ENTREP2: variants seen among roughly 807,000 people sequenced by gnomAD.
The protein encoded by ENTREP2 is endosomal transmembrane epsin interactor 2.
chr15:29,134,572 A>G, the ENTREP2 span, among the ~76,000 whole-genome samples: 1 of 152,180 alleles, frequency 6.6e-6, no homozygotes, highest in Admixed American at 6.5e-5. Flanking sequence ...GGCACCTTAC[A>G]GCGTCTGAAT....
chr15:29,481,282 T>C, the ENTREP2 span, among the ~76,000 whole-genome samples: 3 of 152,142 alleles, frequency 2.0e-5, no homozygotes, highest in African/African-American at 7.2e-5. Context: ...AAAATGCAGA[T>C]CCTGCTACAA....
At chr15:29,123,676 T>C in the ENTREP2 span, 22,461 of 1,541,824 alleles carry the variant, frequency 0.015, 489 homozygotes, top group African/African-American at 0.097. Flanking sequence ...AGGGCAAAAG[T>C]GCAGTTCAAA....
the ENTREP2 span, among the ~76,000 whole-genome samples, chr15:29,420,155 G>A: frequency 6.6e-6 from 1 of 152,194 alleles, no homozygotes; most frequent in East Asian, 1.9e-4. Flanking sequence ...GAGTCTCAAT[G>A]GGCACCTCTG....
the ENTREP2 span, among the ~76,000 whole-genome samples, chr15:29,147,854 A>T: frequency 6.6e-6 from 1 of 152,250 alleles, no homozygotes; most frequent in South Asian, 2.1e-4. Context: ...GATGTTCATA[A>T]CAGCATTATT....
chr15:29,262,846 G>C, the ENTREP2 span, among the ~76,000 whole-genome samples: 1 of 152,172 alleles, frequency 6.6e-6, no homozygotes, highest in Non-Finnish European at 1.5e-5. Flanking sequence ...CCCTCATCCT[G>C]TGGGATCTGA....
At chr15:29,418,208 C>T in the ENTREP2 span, among the ~76,000 whole-genome samples, 1 of 152,168 alleles carries the variant, frequency 6.6e-6, no homozygotes, top group Non-Finnish European at 1.5e-5. Context: ...TCCAGCACCC[C>T]CTGCTTACCA....
chr15:29,386,392 G>T, the ENTREP2 span, among the ~76,000 whole-genome samples: 1 of 152,178 alleles, frequency 6.6e-6, no homozygotes, highest in South Asian at 2.1e-4. Flanking sequence ...AGTTTGAACA[G>T]CGGGGCACCG....
the ENTREP2 span, among the ~76,000 whole-genome samples, chr15:29,271,792 T>C: frequency 2.0e-5 from 3 of 152,144 alleles, no homozygotes; most frequent in Non-Finnish European, 4.4e-5. Context: ...TTGCCGATGC[T>C]CCCAGCTGAA....
chr15:29,441,044 T>C, the ENTREP2 span, among the ~76,000 whole-genome samples: 10 of 152,030 alleles, frequency 6.6e-5, no homozygotes, highest in African/African-American at 2.2e-4. Flanking sequence ...CTCACAATAG[T>C]GAAAAGGTGG....
the ENTREP2 span, among the ~76,000 whole-genome samples, chr15:29,546,741 G>T: frequency 6.6e-6 from 1 of 151,888 alleles, no homozygotes; most frequent in East Asian, 2.0e-4. Context: ...AAACAAATTA[G>T]CTGGGTGTGG....
At chr15:29,432,079 C>T in the ENTREP2 span, among the ~76,000 whole-genome samples, 1 of 152,138 alleles carries the variant, frequency 6.6e-6, no homozygotes, top group Non-Finnish European at 1.5e-5. Flanking sequence ...ATGCACTTAC[C>T]TTTAAATAGG....
the ENTREP2 span, among the ~76,000 whole-genome samples, chr15:29,600,920 CAG>C: frequency 1.8e-5 from 1 of 54,164 alleles, no homozygotes; most frequent in African/African-American, 2.3e-4. Context: ...TTTTTTGAGA[CAG>C]AGTCTCGCTC....
the ENTREP2 span, among the ~76,000 whole-genome samples, chr15:29,643,890 C>T: frequency 1.3e-5 from 2 of 152,042 alleles, no homozygotes; most frequent in Non-Finnish European, 2.9e-5. Context: ...AACAGACTGG[C>T]CATTCCTCAA....
chr15:29,582,924 C>T, the ENTREP2 span, among the ~76,000 whole-genome samples: 1 of 152,126 alleles, frequency 6.6e-6, no homozygotes, highest in Non-Finnish European at 1.5e-5. Flanking sequence ...GCTGGGATTA[C>T]AGGCATGAGC....
the ENTREP2 span, among the ~76,000 whole-genome samples, chr15:29,481,379 A>T: frequency 6.6e-6 from 1 of 152,304 alleles, no homozygotes; most frequent in South Asian, 2.1e-4. Context: ...CCACACTCAG[A>T]GTAGTAAGGC....
the ENTREP2 span, among the ~76,000 whole-genome samples, chr15:29,141,049 G>C: frequency 6.6e-6 from 1 of 152,344 alleles, no homozygotes; most frequent in East Asian, 1.9e-4. Context: ...TCCGAACTCA[G>C]GTGTGTGCTG....
At chr15:29,626,947 T>C in the ENTREP2 span, among the ~76,000 whole-genome samples, 1 of 152,206 alleles carries the variant, frequency 6.6e-6, no homozygotes, top group Non-Finnish European at 1.5e-5. Context: ...GATAATTTTG[T>C]CATTTTTACT....
chr15:29,458,242 T>G, the ENTREP2 span, among the ~76,000 whole-genome samples: 2 of 152,158 alleles, frequency 1.3e-5, no homozygotes, highest in South Asian at 4.2e-4. Context: ...GACAGCAAAT[T>G]TGCCCTTCCT....
chr15:29,656,737 T>A, the ENTREP2 span, among the ~76,000 whole-genome samples: 1 of 152,114 alleles, frequency 6.6e-6, no homozygotes, highest in South Asian at 2.1e-4. Flanking sequence ...CTCTCTCATA[T>A]CTTATCTTGC....
Sources: allele counts gnomAD v4.1 joint callset (sites outside exome capture counted in the v4.1 genomes callset), GRCh38; gene constraint gnomAD v4.1.1; transcripts MANE v1.5; gene names NCBI Gene and HGNC (gene_info 2026-07-23, HGNC 2026-07-21).